COL5A2: variants seen among roughly 807,000 people sequenced by gnomAD.
COL5A2 encodes collagen alpha-2(V) chain.
Under a neutral mutation model 208.2 loss-of-function variants are expected in COL5A2, and 23 were observed. The ratio of observed to expected loss-of-function variants is 0.11; its 90% CI spans 0.08 to 0.16. The LOEUF is 0.16. Among genes scored for constraint, COL5A2 ranks in the 10% least tolerant of loss-of-function variants. The pLI is 1.00. For missense variants in COL5A2, 1,590 were observed against 1,956.4 expected (o/e 0.81, Z 3.53); for synonymous variants, 625 against 628.5 (o/e 0.99, Z 0.08).
chr2:189,213,159 G>A lies in COL5A2; in HGVS notation c.-42+11989C>T, dbSNP rs577995947. ...TCCACCTCAGCCTCCCAAAGTGCAG[G>A]GATTACAGGCATGAGTCACCACGCC... On this transcript the variant is annotated intron_variant, in intron 1 of 10. Coordinates refer to the COL5A2 transcript ENST00000649966. 6.0e-4 allele frequency among the ~76,000 whole-genome samples: 91 copies of A among 151,788 alleles called. 5 individuals are homozygous for A. In the South Asian group the frequency reaches 0.019, roughly 32 times the overall value.
intron 1 of COL5A2, among the ~76,000 whole-genome samples, chr2:189,163,965 A>T (rs999007120): frequency 7.9e-5 from 12 of 152,338 alleles, no homozygotes; most frequent in African/African-American, 2.9e-4. Context: ...TTATTTCAAC[A>T]ATTCATTCAT....
At chr2:189,059,257 T>G (rs1222929153) in intron 31 of COL5A2, among the ~76,000 whole-genome samples, 2 of 152,102 alleles carry the variant, frequency 1.3e-5, no homozygotes, top group Non-Finnish European at 1.5e-5. Flanking sequence ...AGAAAAGTTA[T>G]ATAAAAAGGG....
At chr2:189,268,255 G>A in the COL5A2 span, among the ~76,000 whole-genome samples, 412 of 152,192 alleles carry the variant, frequency 2.7e-3, 3 homozygotes, top group African/African-American at 9.4e-3. Flanking sequence ...GTTTCCACAA[G>A]AAACAAATGG....
chr2:189,239,443 G>A, the COL5A2 span, among the ~76,000 whole-genome samples: 1 of 151,992 alleles, frequency 6.6e-6, no homozygotes, highest in South Asian at 2.1e-4. Context: ...GAGGAACACA[G>A]TGAGGGAAGG....
the COL5A2 span, among the ~76,000 whole-genome samples, chr2:189,385,694 A>C: frequency 6.6e-6 from 1 of 152,190 alleles, no homozygotes; most frequent in African/African-American, 2.4e-5. Context: ...AAAAGAACAA[A>C]GCCAGAGGCA....
chr2:189,298,594 T>C, the COL5A2 span, among the ~76,000 whole-genome samples: 2 of 152,198 alleles, frequency 1.3e-5, no homozygotes, highest in African/African-American at 2.4e-5. Context: ...CAATCTCTTA[T>C]TGTATTCTCA....
At chr2:189,070,280 C>A (rs1686243465) in intron 18 of COL5A2, among the ~76,000 whole-genome samples, 1 of 152,164 alleles carries the variant, frequency 6.6e-6, no homozygotes, top group Non-Finnish European at 1.5e-5. Context: ...AACTAAAATT[C>A]TAAGCCTTAG....
the COL5A2 span, among the ~76,000 whole-genome samples, chr2:189,408,194 A>G: frequency 6.6e-6 from 1 of 152,204 alleles, no homozygotes; most frequent in African/African-American, 2.4e-5. Context: ...AAGTAAGTGA[A>G]GGATAATCCT....
intron 2 of COL5A2, among the ~76,000 whole-genome samples, chr2:189,105,509 G>A (rs572207402): frequency 1.5e-4 from 23 of 151,280 alleles, no homozygotes; most frequent in Admixed American, 3.3e-4. Context: ...TTCCTTGTTC[G>A]AATGATTAGC....
In COL5A2 at chr2:189,178,052, CCT is replaced by C. The variant is rs1559138247; in HGVS notation, c.97+1454_97+1455del. ...TGTAATTTTTCTGTGTTTTTCTCCT[CCT>C]GTTTTCTTCTACTTTCTATTCAATT... On this transcript the variant is annotated intron_variant, in intron 1 of 53. Coordinates refer to ENST00000374866, the MANE Select transcript of COL5A2 (RefSeq NM_000393.5). Among the ~76,000 whole-genome samples the C allele has an allele frequency of 2.6e-5, 4 of 152,124 alleles. No individual in the cohort carries two copies. The South Asian group carries it at 8.3e-4, about 32-fold the overall frequency.
the COL5A2 span, among the ~76,000 whole-genome samples, chr2:189,308,312 C>T: frequency 2.6e-5 from 4 of 151,642 alleles, no homozygotes; most frequent in African/African-American, 9.7e-5. Context: ...CCCTTTGGCA[C>T]TCAGGCACAG....
the COL5A2 span, among the ~76,000 whole-genome samples, chr2:189,394,277 T>A: frequency 4.0e-5 from 6 of 151,472 alleles, no homozygotes; most frequent in Non-Finnish European, 8.8e-5. Context: ...ATTAGATTCT[T>A]CATACAAAGC....
At chr2:189,073,351 C>G (rs1486297013) in intron 17 of COL5A2, among the ~76,000 whole-genome samples, 2 of 152,032 alleles carry the variant, frequency 1.3e-5, no homozygotes, top group Non-Finnish European at 2.9e-5. Flanking sequence ...TGCTCAATTA[C>G]TACATTAAAA....
intron 1 of COL5A2, among the ~76,000 whole-genome samples, chr2:189,208,531 C>A (rs924667062): frequency 3.3e-5 from 5 of 152,094 alleles, no homozygotes; most frequent in Admixed American, 2.0e-4. Context: ...ACAAGAACTG[C>A]AGAGCAAAGG....
chr2:189,186,978 C>T (rs926138672), intron 1 of COL5A2, among the ~76,000 whole-genome samples: 1 of 151,986 alleles, frequency 6.6e-6, no homozygotes, highest in Admixed American at 6.6e-5. Flanking sequence ...TATATTTTAG[C>T]TTAGTCATAT....
chr2:189,057,455 T>A, intron 33 of COL5A2, 28 bp from the exon 34 acceptor site: 1 of 1,479,914 alleles, frequency 6.8e-7, no homozygotes, highest in Non-Finnish European at 9.5e-7. Context: ...TAAGTGACCA[T>A]ACCAATAATA....
chr2:189,100,182 T>C (rs945327046), intron 3 of COL5A2, 43 bp from the exon 4 acceptor site: 1 of 1,551,390 alleles, frequency 6.4e-7, no homozygotes, highest in Non-Finnish European at 8.9e-7. Context: ...TAGCACAATA[T>C]AATGGCTTGC....
intron 2 of COL5A2, 86 bp from the exon 3 acceptor site, chr2:189,104,363 T>C (rs1346591299): frequency 1.0e-6 from 1 of 958,034 alleles, no homozygotes; most frequent in Non-Finnish European, 1.7e-6. Flanking sequence ...ATAATAGATT[T>C]CTTCTGGAGT....
At chr2:189,416,126 G>A in the COL5A2 span, among the ~76,000 whole-genome samples, 1,967 of 152,316 alleles carry the variant, frequency 0.013, 52 homozygotes, top group African/African-American at 0.044. Flanking sequence ...CTGTAAACTA[G>A]TTCAACCATT....
Sources: allele counts gnomAD v4.1 joint callset (sites outside exome capture counted in the v4.1 genomes callset), GRCh38; gene constraint gnomAD v4.1.1; transcripts MANE v1.5; gene names NCBI Gene and HGNC (gene_info 2026-07-23, HGNC 2026-07-21).